NRK: variants seen among roughly 807,000 people sequenced by gnomAD.
NRK encodes nik-related protein kinase.
NRK carries 67 observed loss-of-function variants against 125.2 expected under a neutral mutation model. That is an observed-to-expected ratio of 0.54 (90% CI 0.44 to 0.66). The LOEUF (loss-of-function observed/expected upper bound fraction) is 0.66, where lower values mean the gene tolerates loss of function less well. Among genes scored for constraint, NRK ranks in the 30% least tolerant of loss-of-function variants. The probability of loss-of-function intolerance (pLI) is 0.00; values close to 1 mark genes in which losing one functional copy is unlikely to be tolerated. For synonymous variants in NRK, 458 were observed against 429.0 expected, an observed-to-expected ratio of 1.07 and a Z score of -0.84; for missense variants, 1,224 against 1,192.9, an observed-to-expected ratio of 1.03 and a Z score of -0.38.
At chrX:105,828,923 G>A (rs1437439056) in intron 1 of NRK, among the ~76,000 whole-genome samples, 1 of 111,998 alleles carries the variant, frequency 8.9e-6, no homozygotes, top group African/African-American at 3.2e-5. Context: ...AATGATAACT[G>A]TGTATTGTGA....
intron 2 of NRK, among the ~76,000 whole-genome samples, chrX:105,866,840 G>T (rs930485478): frequency 9.0e-6 from 1 of 111,263 alleles, no homozygotes; most frequent in African/African-American, 3.3e-5. Context: ...AAAAAGTGTT[G>T]TTGAGCAAAT....
chrX:105,937,818 A>T (rs1406480803), intron 22 of NRK, among the ~76,000 whole-genome samples: 1 of 111,767 alleles, frequency 8.9e-6, no homozygotes. Flanking sequence ...CAACATTTGC[A>T]TCCTTGCATG....
At chrX:105,822,510 A>C, upstream of NRK, 7 of 266,888 alleles carry the variant, frequency 2.6e-5, no homozygotes, top group Non-Finnish European at 2.0e-5. Context: ...CCCCCTCCCC[A>C]CCCTGAAAGA....
At chrX:105,866,354 G>A (rs2039671772) in intron 2 of NRK, among the ~76,000 whole-genome samples, 1 of 110,678 alleles carries the variant, frequency 9.0e-6, no homozygotes, top group African/African-American at 3.3e-5. Context: ...TAGCAAGCTT[G>A]GACCCATGGA....
At chrX:105,894,021 C>A in intron 6 of NRK, 79 bp downstream of exon 6, 1 of 499,984 alleles carries the variant, frequency 2.0e-6, no homozygotes, top group South Asian at 4.8e-5. Flanking sequence ...TATACCTGCT[C>A]ACATCAGATA....
At chrX:105,888,000 T>C (rs1211427188) in intron 4 of NRK, among the ~76,000 whole-genome samples, 1 of 112,389 alleles carries the variant, frequency 8.9e-6, no homozygotes, top group Non-Finnish European at 1.9e-5. Context: ...AACAACAATA[T>C]AATGACTCCA....
At chrX:105,918,980 A>G (rs1384963249) in intron 16 of NRK, among the ~76,000 whole-genome samples, 1 of 102,257 alleles carries the variant, frequency 9.8e-6, no homozygotes, top group Non-Finnish European at 2.0e-5. Context: ...ATACCAAAAG[A>G]CTTAAAAGAA....
intron 1 of NRK, 77 bp from the exon 2 acceptor site, chrX:105,830,977 T>C: frequency 1.7e-6 from 1 of 599,799 alleles, no homozygotes; most frequent in Non-Finnish European, 2.7e-6. Flanking sequence ...TTAAAGTATA[T>C]ATATTAAAAA....
intron 2 of NRK, among the ~76,000 whole-genome samples, chrX:105,851,937 A>G (rs959933503): frequency 4.5e-5 from 5 of 111,859 alleles, no homozygotes; most frequent in African/African-American, 1.3e-4. Flanking sequence ...ATTTAATCCT[A>G]CCATTTAGGC....
intron 2 of NRK, among the ~76,000 whole-genome samples, chrX:105,870,059 A>G (rs2039722982): frequency 8.9e-6 from 1 of 111,773 alleles, no homozygotes; most frequent in Non-Finnish European, 1.9e-5. Context: ...GAAAAGGTAT[A>G]CAATCTACCA....
intron 1 of NRK, among the ~76,000 whole-genome samples, chrX:105,827,048 C>A (rs2039123584): frequency 9.0e-6 from 1 of 111,404 alleles, no homozygotes; most frequent in African/African-American, 3.3e-5. Context: ...AACAGTATTA[C>A]CCAGATGATT....
At chrX:105,915,104 C>A (rs1042572322) in intron 14 of NRK, among the ~76,000 whole-genome samples, 8 of 109,346 alleles carry the variant, frequency 7.3e-5, no homozygotes, top group Non-Finnish European at 1.1e-4. Context: ...GCAAATTAAT[C>A]TATTTAGAGT....
At chrX:105,945,149 C>G (rs775706586) in intron 24 of NRK, among the ~76,000 whole-genome samples, 92 of 111,693 alleles carry the variant, frequency 8.2e-4, no homozygotes, top group African/African-American at 2.8e-3. Flanking sequence ...GTTTAGATCT[C>G]AGACCCAACA....
At position 105,826,114 on chromosome X, in the gene NRK, G is replaced by GAT. The variant is rs760912366; in HGVS notation, c.57+3225_57+3226dup. Among the ~76,000 whole-genome samples the GAT allele has an allele frequency of 1.9e-3, 172 of 88,878 alleles. 1 individual carries two copies. The highest frequency in any genetic ancestry group is 6.3e-3 in the African/African-American group (152 of 24,088). The allele number at this position is 88,878 out of a possible 115,157, so 77.2% of individuals were successfully genotyped here. A position where few individuals can be genotyped will look rare whatever the true frequency, so the allele number is the denominator to read the frequency against. ...CATATATACATATATATGTTTGGGT[G>GAT]ATATATATATATATGGTAAGATATA... On this transcript the variant is annotated intron_variant, in intron 1 of 28. Coordinates refer to ENST00000243300, the MANE Select transcript of NRK (RefSeq NM_198465.4).
intron 2 of NRK, among the ~76,000 whole-genome samples, chrX:105,848,659 A>G (rs1288146860): frequency 8.9e-6 from 1 of 111,850 alleles, no homozygotes; most frequent in East Asian, 2.8e-4. Flanking sequence ...AAGTTACTGC[A>G]GCCTCTAACA....
chrX:105,885,402 A>C (rs2039931151), intron 4 of NRK, among the ~76,000 whole-genome samples: 1 of 112,197 alleles, frequency 8.9e-6, no homozygotes, highest in Non-Finnish European at 1.9e-5. Flanking sequence ...ATTTCCTTTA[A>C]GTTAGGATCA....
intron 23 of NRK, among the ~76,000 whole-genome samples, chrX:105,942,637 G>A (rs59978114): frequency 9.1e-6 from 1 of 109,410 alleles, no homozygotes; most frequent in East Asian, 3.0e-4. Context: ...TTTTTCTTTT[G>A]AGGCAGAGTC....
rs771168827 is a variant in NRK at position 105,898,698 on chromosome X, G to C, written c.695G>C (p.Arg232Pro). ...ATTGACTGTGATGAGGACCCAAGAC[G>C]CTCCTATGATTACAGAGTGAGTGTG... ...EVIDCDEDPR[R>P]SYDYRSDVWS... Residue 232 changes from arginine to proline, a missense_variant, in exon 8 of 29, where the codon CGC becomes CCC. Transcript: ENST00000243300. The C allele has an allele frequency of 8.4e-7, 1 of 1,188,404 alleles. No homozygotes were observed.
intron 20 of NRK, among the ~76,000 whole-genome samples, 167 bp downstream of exon 20, chrX:105,934,611 A>T (rs1372526252): frequency 8.9e-6 from 1 of 112,016 alleles, no homozygotes; most frequent in African/African-American, 3.2e-5. Context: ...CTGAATCTTT[A>T]TGGTACCTAA....
Sources: gnomAD v4.1 joint callset for allele counts (sites outside exome capture counted in the v4.1 genomes callset) on GRCh38, gnomAD v4.1.1 for gene constraint, MANE v1.5 for transcripts, NCBI Gene and HGNC (gene_info 2026-07-23, HGNC 2026-07-21) for gene names.